Variants in SLC1A4 observed in about 807,000 individuals in gnomAD.
The protein encoded by SLC1A4 is neutral amino acid transporter A.
In SLC1A4, 19 loss-of-function variants were observed where a neutral mutation model predicts 37.7. That is an observed-to-expected ratio of 0.50 (90% CI 0.35 to 0.74). The LOEUF (loss-of-function observed/expected upper bound fraction) is 0.74. Among genes scored for constraint, SLC1A4 ranks in the 30% least tolerant of loss-of-function variants. SLC1A4 has a pLI of 0.01. For missense variants in SLC1A4, 570 were observed against 712.9 expected (o/e 0.80, Z 2.28); for synonymous variants, 299 against 309.8 (o/e 0.97, Z 0.37).
At chr2:65,003,066 T>C (rs1262295726) in intron 2 of SLC1A4, among the ~76,000 whole-genome samples, 1 of 152,126 alleles carries the variant, frequency 6.6e-6, no homozygotes, top group Admixed American at 6.5e-5. Context: ...GAAAAAAATA[T>C]AGGTATATGG....
At chr2:64,994,788 A>T (rs1196644791) in intron 1 of SLC1A4, 1 of 152,002 alleles carries the variant, frequency 6.6e-6, no homozygotes, top group Admixed American at 6.5e-5. Flanking sequence ...GGAACAATAG[A>T]GGAGACGAGC....
At chr2:64,992,532 C>T (rs958773114) in intron 1 of SLC1A4, among the ~76,000 whole-genome samples, 6 of 152,066 alleles carry the variant, frequency 3.9e-5, no homozygotes, top group African/African-American at 1.4e-4. Context: ...CAGCAGCTCA[C>T]GGATAAAGGT....
At chr2:64,988,990 A>G (rs1672915645), upstream of SLC1A4, among the ~76,000 whole-genome samples, 1 of 151,502 alleles carries the variant, frequency 6.6e-6, no homozygotes, top group African/African-American at 2.4e-5. Context: ...GCTGCGTTCT[A>G]AGTTCTCCCG....
At chr2:65,011,941 G>A (rs923640126) in intron 4 of SLC1A4, among the ~76,000 whole-genome samples, 2 of 147,092 alleles carry the variant, frequency 1.4e-5, no homozygotes, top group African/African-American at 5.0e-5. Context: ...GCTAATTTTT[G>A]TATTTTTAGT....
rs952870811 is a variant in SLC1A4 at position 64,989,433 on chromosome 2, C to G, written c.-211C>G. On this transcript the variant is annotated 5_prime_UTR_variant, in exon 1 of 8. Coordinates refer to ENST00000234256, the MANE Select transcript of SLC1A4 (RefSeq NM_003038.5). ...CGGCGGCTGCTCCAGGGAGGCTGGGCGCGATCCTCTCCGCCCGCGGCTCCA... is the reference window on the plus strand; with the variant it reads ...CGGCGGCTGCTCCAGGGAGGCTGGGGGCGATCCTCTCCGCCCGCGGCTCCA... 2.4e-6 allele frequency: 1 copy of G among 409,414 alleles called. No individual in the cohort carries two copies. The highest frequency in any genetic ancestry group is 4.2e-6 in the Non-Finnish European group (1 of 236,438). The allele number at this position is 409,414 out of a possible 1,614,324, so 25.4% of individuals were successfully genotyped here.
chr2:65,019,565 G>A (rs372204763), intron 7 of SLC1A4, among the ~76,000 whole-genome samples: 92 of 152,320 alleles, frequency 6.0e-4, no homozygotes, highest in East Asian at 3.9e-4. Flanking sequence ...GACCAGGTTC[G>A]TCACAGGCAG....
rs777537962 is a variant in SLC1A4 at position 65,018,560 on chromosome 2, G to A, written c.1245G>A (p.Ala415=). 70 of 1,614,220 alleles carry A rather than the reference G, an allele frequency of 4.3e-5. 1 individual carries two copies. The highest frequency in any genetic ancestry group is 4.3e-4 in the South Asian group (39 of 91,088). Residue 415 remains alanine (A), a synonymous_variant, in exon 7 of 8, where the codon GCG becomes GCA. Coordinates refer to ENST00000234256, the MANE Select transcript of SLC1A4 (RefSeq NM_003038.5). This position sits in a 1 kb window ranked among gnomAD's most constrained non-coding sequence, Gnocchi z 4.3. ...CATCCCTTAGAGTGACTGCCACAGC[G>A]TCCAGTGTTGGAGCAGCAGGCGTGC... ...QIFTILVTAT[A]SSVGAAGVPA... is the part of the protein sequence containing the mutation.
At chr2:64,993,904 CTT>C (rs1160415626) in intron 1 of SLC1A4, among the ~76,000 whole-genome samples, 1 of 152,180 alleles carries the variant, frequency 6.6e-6, no homozygotes, top group African/African-American at 2.4e-5. Context: ...CACCTGTGCT[CTT>C]GTTATAAATA....
chr2:65,016,522 G>T lies in SLC1A4; in HGVS notation c.883G>T (p.Gly295Trp). 6.2e-7 allele frequency: 1 copy of T among 1,614,202 alleles called. No individual in the cohort carries two copies. Among genetic ancestry groups the T allele is most frequent in the Non-Finnish European group, 8.5e-7 (1 of 1,180,016 alleles). ...CATCATCGTGCTGGTGACCAGCCTG[G>T]GGAAATACATCTTCGCATCTATATT... ...KDIIVLVTSL[G>W]KYIFASILGH... Residue 295 changes from glycine (G) to tryptophan (W), a missense_variant, in exon 5 of 8, where the codon GGG becomes TGG. Coordinates refer to ENST00000234256, the MANE Select transcript of SLC1A4 (RefSeq NM_003038.5).
intron 3 of SLC1A4, among the ~76,000 whole-genome samples, chr2:65,006,120 G>C (rs1420924990): frequency 6.6e-6 from 1 of 152,162 alleles, no homozygotes; most frequent in Non-Finnish European, 1.5e-5. Context: ...TGGAAATACT[G>C]GTTACCTGTG....
At chr2:65,005,408 G>A (rs1673635166) in intron 3 of SLC1A4, among the ~76,000 whole-genome samples, 1 of 152,144 alleles carries the variant, frequency 6.6e-6, no homozygotes, top group Admixed American at 6.5e-5. Flanking sequence ...AAAAAATGGA[G>A]GTCACTTCAC....
chr2:65,010,965 G>A (rs1365727623), intron 4 of SLC1A4, among the ~76,000 whole-genome samples: 1 of 152,190 alleles, frequency 6.6e-6, no homozygotes, highest in African/African-American at 2.4e-5. Context: ...CAGAGAGCCA[G>A]GCATGCACCA....
In SLC1A4 at chr2:65,021,168, C is replaced by G. The variant is rs1256782397; in HGVS notation, c.*22C>G. 6.3e-7 allele frequency: 1 copy of G among 1,592,672 alleles called. No individual in the cohort carries two copies. The highest frequency in any genetic ancestry group is 8.6e-7 in the Non-Finnish European group (1 of 1,161,884). ...GTGATGGGGCTGGGCTTTGGGCTTG[C>G]CTGCCAGCAGTGATGTCCCACCCTG... is the stretch of plus-strand genomic sequence containing the variant. On this transcript the variant is annotated 3_prime_UTR_variant, in exon 8 of 8. Coordinates refer to ENST00000234256, the MANE Select transcript of SLC1A4 (RefSeq NM_003038.5).
rs3050297 is a variant in SLC1A4, at chr2:64,991,421, CTTTTTTTT to C, written c.527+1267_527+1274del. Among the ~76,000 whole-genome samples, 162 of 117,654 alleles carry C rather than the reference CTTTTTTTT, an allele frequency of 1.4e-3. 1 individual carries two copies. The highest frequency in any genetic ancestry group is 9.1e-3 in the Middle Eastern group (2 of 220). 77.2% of individuals were successfully genotyped at this position (117,654 alleles called of 152,430 possible). A position where few individuals can be genotyped will look rare whatever the true frequency, so the allele number is the denominator to read the frequency against. On this transcript the variant is annotated intron_variant, in intron 1 of 7. Transcript: ENST00000234256. ...ATTAGGACTTTTAAGGGGATCACAG[CTTTTTTTT>C]TTTTTTTTTTTTTTTAAAGTCTGGG...
chr2:65,004,117 G>A (rs1673584975), intron 3 of SLC1A4, 102 bp downstream of exon 3: 1 of 952,522 alleles, frequency 1.0e-6, no homozygotes, highest in Non-Finnish European at 1.7e-6. Flanking sequence ...TTTGAGGTTT[G>A]AATGGGCTAT....
intron 2 of SLC1A4, among the ~76,000 whole-genome samples, chr2:65,002,610 C>T (rs918265740): frequency 2.2e-5 from 2 of 90,982 alleles, no homozygotes; most frequent in African/African-American, 4.3e-5. Context: ...CAGAGTCTCA[C>T]TCTGTTGCCC....
chr2:65,013,918 T>C (rs997581384), intron 4 of SLC1A4, among the ~76,000 whole-genome samples: 3 of 152,214 alleles, frequency 2.0e-5, no homozygotes, highest in Non-Finnish European at 4.4e-5. Flanking sequence ...AGGAGAAAAG[T>C]ACCTATTCAC....
At position 65,021,239 on chromosome 2, in the gene SLC1A4, C is replaced by T. The variant is rs1674409047; in HGVS notation, c.*93C>T. 1.0e-6 allele frequency: 1 copy of T among 986,380 alleles called. No homozygotes were observed. The highest frequency in any genetic ancestry group is 1.6e-5 in the African/African-American group (1 of 61,514). The allele number at this position is 986,380 out of a possible 1,614,324, so 61.1% of individuals were successfully genotyped here. A position where few individuals can be genotyped will look rare whatever the true frequency, so the allele number is the denominator to read the frequency against. ...GGACACAGGGCACTGCCCTTGCCAA[C>T]TTTTACCCTCCCAAGCAATGCTTTG... On this transcript the variant is annotated 3_prime_UTR_variant, in exon 8 of 8. Transcript: ENST00000234256.
Position 65,018,165 on chromosome 2 carries a change from G to A in SLC1A4, c.1129G>A (p.Val377Met), listed in dbSNP as rs760189211. ...SRFILPIGAT[V>M]NMDGAAIFQC... Reference sequence around the variant, plus strand: ...GTTTATTCTCCCCATCGGGGCCACCGTGAACATGGACGGAGCAGCCATCTT... The same window carrying A: ...GTTTATTCTCCCCATCGGGGCCACCATGAACATGGACGGAGCAGCCATCTT... Residue 377 changes from valine (V) to methionine (M), a missense_variant, in exon 6 of 8, where the codon GTG becomes ATG. Transcript: ENST00000234256. This position sits in a 1 kb window ranked among gnomAD's most constrained non-coding sequence, Gnocchi z 4.3. The A allele has an allele frequency of 2.3e-5, 37 of 1,614,062 alleles. No individual in the cohort carries two copies. The East Asian group carries it at 6.2e-4, about 27-fold the overall frequency.
Sources: allele counts gnomAD v4.1 joint callset (sites outside exome capture counted in the v4.1 genomes callset), GRCh38; gene constraint gnomAD v4.1.1; non-coding constraint Gnocchi (gnomAD v3.1); transcripts MANE v1.5; gene names NCBI Gene and HGNC (gene_info 2026-07-23, HGNC 2026-07-21).